Variants in THSD7A observed in about 807,000 individuals in gnomAD.
THSD7A encodes the protein thrombospondin type-1 domain-containing protein 7A.
THSD7A carries 96 observed loss-of-function variants against 231.3 expected under a neutral mutation model. The observed-to-expected ratio is 0.41, with a 90% CI of 0.35 to 0.49. The LOEUF is 0.49. Among genes scored for constraint, THSD7A ranks in the 20% least tolerant of loss-of-function variants. THSD7A has a pLI of 0.05. For synonymous variants in THSD7A, 940 were observed against 743.3 expected (o/e 1.26, Z -4.30); for missense variants, 2,290 against 2,070.2 (o/e 1.11, Z -2.06).
intron 3 of THSD7A, among the ~76,000 whole-genome samples, chr7:11,592,595 G>T (rs1780207896): frequency 6.6e-6 from 1 of 152,040 alleles, no homozygotes. Flanking sequence ...TTTGTACCAG[G>T]TATTGTGATA....
chr7:11,764,286 A>G (rs574289922), intron 1 of THSD7A, among the ~76,000 whole-genome samples: 43 of 152,282 alleles, frequency 2.8e-4, no homozygotes, highest in Admixed American at 2.6e-3. Flanking sequence ...AAAATAGATA[A>G]ATTTAAAAGT....
At chr7:11,651,483 T>A (rs1045445053) in intron 1 of THSD7A, among the ~76,000 whole-genome samples, 35 of 121,228 alleles carry the variant, frequency 2.9e-4, no homozygotes, top group Non-Finnish European at 5.3e-4. Flanking sequence ...TATCTATCTA[T>A]CAACTATCTA....
intron 1 of THSD7A, among the ~76,000 whole-genome samples, chr7:11,756,642 G>A (rs1050187845): frequency 2.0e-5 from 3 of 152,028 alleles, no homozygotes. Context: ...AGAAAAAGGA[G>A]AGAGATGTGA....
At chr7:11,760,671 T>G (rs1439832584) in intron 1 of THSD7A, among the ~76,000 whole-genome samples, 3 of 152,068 alleles carry the variant, frequency 2.0e-5, no homozygotes, top group Non-Finnish European at 4.4e-5. Context: ...TTACAGTAAA[T>G]TTTATTACAG....
At position 11,474,734 on chromosome 7, in the gene THSD7A, C is replaced by A. The variant is rs1786086752; in HGVS notation, c.2018-166G>T. Among the ~76,000 whole-genome samples the A allele has an allele frequency of 6.6e-6, 1 of 152,044 alleles. No homozygotes were observed. Among genetic ancestry groups the A allele is most frequent in the African/African-American group, 2.4e-5 (1 of 41,394 alleles). On this transcript the variant is annotated intron_variant, in intron 7 of 27. Transcript: ENST00000423059. The surrounding 1 kb of genome is among the most constrained non-coding windows in gnomAD (Gnocchi z 4.1). The stretch of plus-strand genomic sequence containing the variant: ...TTATGTGAGATGCTTCAAGGGATAC[C>A]TACAGGGGTTAAAAATAGTTTCTGC...
chr7:11,707,455 G>A (rs1432484550), intron 1 of THSD7A, among the ~76,000 whole-genome samples: 2 of 150,822 alleles, frequency 1.3e-5, no homozygotes, highest in Middle Eastern at 3.2e-3. Flanking sequence ...GTTGGATTTA[G>A]GAATCATGGA....
intron 1 of THSD7A, among the ~76,000 whole-genome samples, chr7:11,682,985 G>T (rs763120658): frequency 6.6e-6 from 1 of 151,788 alleles, no homozygotes; most frequent in African/African-American, 2.4e-5. Context: ...TAGTTGGCAC[G>T]GTGGCAGGTG....
intron 6 of THSD7A, among the ~76,000 whole-genome samples, chr7:11,496,598 C>A (rs971979304): frequency 6.6e-6 from 1 of 152,112 alleles, no homozygotes; most frequent in African/African-American, 2.4e-5. Flanking sequence ...TTGTGCTCAA[C>A]TATCTAATGC....
intron 1 of THSD7A, among the ~76,000 whole-genome samples, chr7:11,649,017 C>G (rs530167641): frequency 1.3e-5 from 2 of 151,932 alleles, no homozygotes; most frequent in African/African-American, 2.4e-5. Flanking sequence ...TTATAGTGCT[C>G]TCTGATATTG....
chr7:11,663,312 T>C (rs1783003186), intron 1 of THSD7A, among the ~76,000 whole-genome samples: 1 of 151,338 alleles, frequency 6.6e-6, no homozygotes, highest in Admixed American at 6.6e-5. Context: ...AAAAATGACA[T>C]TAGGAGATGT....
chr7:11,546,189 GGT>G (rs1562705970), intron 4 of THSD7A, among the ~76,000 whole-genome samples: 8 of 84,234 alleles, frequency 9.5e-5, no homozygotes, highest in African/African-American at 5.1e-4. Context: ...TGTTGTTGCT[GGT>G]GTGGGCGCGC....
intron 15 of THSD7A, among the ~76,000 whole-genome samples, chr7:11,426,370 T>G (rs1181589384): frequency 1.3e-5 from 2 of 152,146 alleles, no homozygotes; most frequent in Non-Finnish European, 2.9e-5. Flanking sequence ...CACAAGACCA[T>G]TAATAATGGG....
chr7:11,522,272 G>A (rs1788298561), intron 6 of THSD7A, among the ~76,000 whole-genome samples: 1 of 152,076 alleles, frequency 6.6e-6, no homozygotes, highest in Non-Finnish European at 1.5e-5. Context: ...CCATTTCCCT[G>A]TAACAAGTAC....
rs541347997 is a variant in THSD7A, at chr7:11,590,912, T to A, written c.1272-271A>T. ...ATTTTATGAAAAGGGAGCACAATGC[T>A]GAAAACATGAAATTTTATGTTCAAT... On this transcript the variant is annotated intron_variant, in intron 3 of 27. Coordinates refer to ENST00000423059, the MANE Select transcript of THSD7A (RefSeq NM_015204.3). The surrounding 1 kb of genome is among the most constrained non-coding windows in gnomAD (Gnocchi z 4.4). Among the ~76,000 whole-genome samples, 5 of 152,316 alleles carry A rather than the reference T, an allele frequency of 3.3e-5. No homozygotes were observed. Among genetic ancestry groups the A allele is most frequent in the Non-Finnish European group, 7.4e-5 (5 of 68,026 alleles).
chr7:11,562,392 G>T (rs141697199), intron 4 of THSD7A, among the ~76,000 whole-genome samples: 23 of 152,182 alleles, frequency 1.5e-4, no homozygotes, highest in African/African-American at 5.3e-4. Context: ...GGTGCTCAAA[G>T]GTTGAGAAAA....
At chr7:11,538,108 G>A (rs1403905498) in intron 6 of THSD7A, among the ~76,000 whole-genome samples, 1 of 152,180 alleles carries the variant, frequency 6.6e-6, no homozygotes, top group African/African-American at 2.4e-5. Context: ...CTGGGTCAAG[G>A]AGGAAAGTGA....
chr7:11,748,513 G>A (rs1782388406), intron 1 of THSD7A, among the ~76,000 whole-genome samples: 1 of 151,910 alleles, frequency 6.6e-6, no homozygotes, highest in Non-Finnish European at 1.5e-5. Context: ...AAAGATACAT[G>A]TATATATTCT....
chr7:11,370,795 TAA>T lies in THSD7A; in HGVS notation c.*4997_*4998del, dbSNP rs1782023220. 1 of 152,130 alleles carries T rather than the reference TAA, an allele frequency of 6.6e-6. No individual in the cohort carries two copies. Among genetic ancestry groups the T allele is most frequent in the Admixed American group, 6.5e-5 (1 of 15,270 alleles). The allele number at this position is 152,130 out of a possible 1,614,324, so 9.4% of individuals were successfully genotyped here. On this transcript the variant is annotated 3_prime_UTR_variant, in exon 28 of 28. Transcript: ENST00000423059. ...TAGAAAGACAGATTGCAAATTTTAATAAAGTTATATTTTACAATGATAGATAC... is the reference window on the plus strand; with the variant it reads ...TAGAAAGACAGATTGCAAATTTTAATAGTTATATTTTACAATGATAGATAC...
chr7:11,693,660 C>T lies in THSD7A; in HGVS notation c.191-56699G>A, dbSNP rs1009907841. Among the ~76,000 whole-genome samples, 3 of 151,468 alleles carry T rather than the reference C, an allele frequency of 2.0e-5. No homozygotes were observed. In the Admixed American group the frequency reaches 2.0e-4, roughly 10 times the overall value. Reference sequence around the variant, plus strand: ...CTAGGTTAGGATTCTTCCTTTGCCACTGACTAGCTTTAGTCTCTGTTTTCC... The same window carrying T: ...CTAGGTTAGGATTCTTCCTTTGCCATTGACTAGCTTTAGTCTCTGTTTTCC... On this transcript the variant is annotated intron_variant, in intron 1 of 27. Transcript: ENST00000423059.
Sources: gnomAD v4.1 joint callset for allele counts (sites outside exome capture counted in the v4.1 genomes callset) on GRCh38, gnomAD v4.1.1 for gene constraint, Gnocchi (gnomAD v3.1) non-coding constraint, MANE v1.5 for transcripts, NCBI Gene and HGNC (gene_info 2026-07-23, HGNC 2026-07-21) for gene names.